SLC6A13: variants seen among roughly 807,000 people sequenced by gnomAD.
The protein encoded by SLC6A13 is solute carrier family 6 member 13.
In SLC6A13, 69 loss-of-function variants were observed where a neutral mutation model predicts 72.9. The ratio of observed to expected loss-of-function variants is 0.95; its 90% CI spans 0.78 to 1.16. SLC6A13 has a LOEUF of 1.16. SLC6A13 is among the 50% of genes most tolerant of loss of function. SLC6A13 has a pLI of 0.00. For synonymous variants in SLC6A13, 303 were observed against 303.0 expected, an observed-to-expected ratio of 1.00 and a Z score of 0.00; for missense variants, 735 against 760.5, an observed-to-expected ratio of 0.97 and a Z score of 0.39.
chr12:222,849 T>G (rs1031977918), intron 12 of SLC6A13, among the ~76,000 whole-genome samples: 3 of 152,128 alleles, frequency 2.0e-5, no homozygotes, highest in Non-Finnish European at 4.4e-5. Context: ...GGCAGTCACT[T>G]CCTGATTATC....
At chr12:221,134 A>G (rs1941189212) in intron 14 of SLC6A13, 64 bp from the exon 15 acceptor site, 2 of 1,524,852 alleles carry the variant, frequency 1.3e-6, no homozygotes, top group Non-Finnish European at 1.8e-6. Flanking sequence ...AGCTTCCCTC[A>G]TCACCAACAT....
In SLC6A13 at chr12:226,516, T is replaced by C. The variant is rs1262522814; in HGVS notation, c.936-2A>G. The C allele has an allele frequency of 1.9e-6, 3 of 1,613,350 alleles. No homozygotes were observed. Among genetic ancestry groups the C allele is most frequent in the Non-Finnish European group, 2.5e-6 (3 of 1,179,620 alleles). The stretch of plus-strand genomic sequence containing the variant: ...AGGAAGCAGAGGGCGATGCAGTCCC[T>C]GTGGGGCAGGGGTGAGGAGAGGGCG... On this transcript the variant is annotated splice_acceptor_variant, in intron 8 of 14. Transcript: ENST00000343164. LOFTEE classifies it high-confidence loss of function.
intron 4 of SLC6A13, among the ~76,000 whole-genome samples, chr12:238,654 C>A (rs1942033269): frequency 6.6e-6 from 1 of 152,144 alleles, no homozygotes; most frequent in African/African-American, 2.4e-5. Flanking sequence ...ATACAATAAT[C>A]CTGGGAAATA....
chr12:221,331 G>T, intron 14 of SLC6A13, 45 bp downstream of exon 14: 2 of 1,528,204 alleles, frequency 1.3e-6, no homozygotes, highest in Non-Finnish European at 1.8e-6. Context: ...CACCTGCGAA[G>T]CCTCCCAGCC....
At chr12:221,098 G>C (rs1414073609) in intron 14 of SLC6A13, 28 bp from the exon 15 acceptor site, 5 of 1,565,528 alleles carry the variant, frequency 3.2e-6, no homozygotes, top group Non-Finnish European at 2.6e-6. Context: ...GTGGCTGTCA[G>C]GTGGTGGAGC....
At chr12:253,170 C>T (rs531528389) in intron 2 of SLC6A13, among the ~76,000 whole-genome samples, 1 of 152,212 alleles carries the variant, frequency 6.6e-6, no homozygotes, top group Admixed American at 6.5e-5. Context: ...AGACCATATC[C>T]CCGTCCCAGA....
intron 2 of SLC6A13, among the ~76,000 whole-genome samples, chr12:246,253 G>A (rs965141186): frequency 6.6e-6 from 1 of 152,146 alleles, no homozygotes; most frequent in African/African-American, 2.4e-5. Flanking sequence ...GGGAGATGGA[G>A]GTTGCAGTGA....
chr12:228,539 C>T (rs911560494), intron 7 of SLC6A13, among the ~76,000 whole-genome samples: 1 of 152,138 alleles, frequency 6.6e-6, no homozygotes, highest in Non-Finnish European at 1.5e-5. Context: ...TTTGCTCAGC[C>T]TCATTCCAGA....
intron 11 of SLC6A13, 153 bp downstream of exon 11, chr12:223,839 G>C: frequency 1.2e-6 from 1 of 818,830 alleles, no homozygotes; most frequent in South Asian, 1.7e-5. Flanking sequence ...TGCCTACTTT[G>C]TCGTTCCTGG....
Position 241,240 on chromosome 12 carries a change from T to G in SLC6A13, c.478+1374A>C, listed in dbSNP as rs570274207. Among the ~76,000 whole-genome samples the G allele has an allele frequency of 2.2e-3, 333 of 151,940 alleles. 2 individuals are homozygous for G. Among genetic ancestry groups the G allele is most frequent in the Non-Finnish European group, 3.4e-3 (232 of 67,934 alleles). ...ATTGCTTGAACCTGTGGGGTGGAGG[T>G]TGCAGTGAGCCAAGATCGCGCCACT... On this transcript the variant is annotated intron_variant, in intron 4 of 14. Transcript: ENST00000343164.
Position 226,432 on chromosome 12 carries a change from A to C in SLC6A13, c.1018T>G (p.Ser340Ala). The stretch of plus-strand genomic sequence containing the variant: ...GAAATGGGCACCCCCTGCTCCTGAG[A>C]CATGAAGCCCAGGATGGAGAAGATG... ...FAIFSILGFM[S>A]QEQGVPISEV... Residue 340 changes from serine to alanine, a missense_variant, in exon 9 of 15, where the codon TCT becomes GCT. Coordinates refer to ENST00000343164, the MANE Select transcript of SLC6A13 (RefSeq NM_016615.5). 1 of 1,614,064 alleles carries C rather than the reference A, an allele frequency of 6.2e-7. No individual in the cohort carries two copies. The highest frequency in any genetic ancestry group is 8.5e-7 in the Non-Finnish European group (1 of 1,179,928).
intron 2 of SLC6A13, among the ~76,000 whole-genome samples, chr12:250,967 C>T (rs188553706): frequency 3.7e-4 from 56 of 151,626 alleles, no homozygotes; most frequent in Non-Finnish European, 6.2e-4. Context: ...CCATCCTGGC[C>T]AACACGGTGA....
intron 8 of SLC6A13, 46 bp from the exon 9 acceptor site, chr12:226,560 A>G (rs1039484694): frequency 1.3e-6 from 2 of 1,591,646 alleles, no homozygotes; most frequent in African/African-American, 1.3e-5. Context: ...GGGTCAGAAC[A>G]GGGCTGCAAC....
intron 2 of SLC6A13, among the ~76,000 whole-genome samples, chr12:245,983 T>C (rs1956532941): frequency 6.6e-6 from 1 of 151,678 alleles, no homozygotes; most frequent in African/African-American, 2.4e-5. Flanking sequence ...CCGGGTGTGG[T>C]GGTGGGTGCC....
chr12:255,187 G>A (rs1396366039), intron 2 of SLC6A13, among the ~76,000 whole-genome samples: 1 of 152,122 alleles, frequency 6.6e-6, no homozygotes, highest in South Asian at 2.1e-4. Context: ...AGGCATTCGG[G>A]TGCTGAGCTA....
chr12:255,130 G>A (rs1028511569), intron 2 of SLC6A13, among the ~76,000 whole-genome samples: 3 of 152,218 alleles, frequency 2.0e-5, no homozygotes, highest in Non-Finnish European at 2.9e-5. Context: ...TGGAGGGGAT[G>A]AGAAGTGGTC....
rs140864824 is a variant in SLC6A13 at position 254,470 on chromosome 12, C to T, written c.202+5381G>A. Among the ~76,000 whole-genome samples, 2 of 152,332 alleles carry T rather than the reference C, an allele frequency of 1.3e-5. No individual in the cohort carries two copies. Among genetic ancestry groups the T allele is most frequent in the Non-Finnish European group, 2.9e-5 (2 of 68,024 alleles). On this transcript the variant is annotated intron_variant, in intron 2 of 14. Transcript: ENST00000343164. The surrounding 1 kb of genome is among the most constrained non-coding windows in gnomAD (Gnocchi z 4.4). ...ATCAATGACTTCCCAGCTGCTAAAA[C>T]CAACAATCAATTTCCTTTCCTCATC...
chr12:259,650 A>G, intron 2 of SLC6A13: 2 of 1,438,370 alleles, frequency 1.4e-6, no homozygotes, highest in Non-Finnish European at 9.1e-7. Flanking sequence ...ATGCCACGTT[A>G]TAATAGAAAG....
intron 12 of SLC6A13, 35 bp downstream of exon 12, chr12:223,097 G>T: frequency 7.7e-7 from 1 of 1,295,076 alleles, no homozygotes; most frequent in Non-Finnish European, 1.1e-6. Context: ...TTAGACAAGA[G>T]GAGGATGCTG....
Sources: gnomAD v4.1 joint callset for allele counts (sites outside exome capture counted in the v4.1 genomes callset) on GRCh38, gnomAD v4.1.1 for gene constraint, Gnocchi (gnomAD v3.1) non-coding constraint, MANE v1.5 for transcripts, NCBI Gene and HGNC (gene_info 2026-07-23, HGNC 2026-07-21) for gene names.